PIGL: variants seen among roughly 807,000 people sequenced by gnomAD.
PIGL encodes the protein phosphatidylinositol glycan anchor biosynthesis class L, also known as N-acetylglucosaminyl-phosphatidylinositol de-N-acetylase.
Under a neutral mutation model 31.1 loss-of-function variants are expected in PIGL, and 22 were observed. That is an observed-to-expected ratio of 0.71 (90% CI 0.51 to 1.01). The LOEUF (loss-of-function observed/expected upper bound fraction) is 1.01, where lower values mean the gene tolerates loss of function less well. Ranked by LOEUF, PIGL falls within the 50% of genes least tolerant of loss-of-function variation. PIGL has a pLI of 0.00. For missense variants in PIGL, 302 were observed against 315.9 expected, an observed-to-expected ratio of 0.96 and a Z score of 0.33; for synonymous variants, 131 against 117.4, an observed-to-expected ratio of 1.12 and a Z score of -0.75.
chr17:16,229,872 T>TC (rs1279292599), intron 1 of PIGL, among the ~76,000 whole-genome samples: 10 of 143,814 alleles, frequency 7.0e-5, no homozygotes, highest in East Asian at 6.0e-4. Context: ...TTTTTTTTTT[T>TC]TTTTTTTTGA....
intron 1 of PIGL, among the ~76,000 whole-genome samples, chr17:16,231,379 C>T (rs1267546788): frequency 6.6e-6 from 1 of 151,502 alleles, no homozygotes; most frequent in African/African-American, 2.4e-5. Flanking sequence ...GGACTACAGG[C>T]GTGAGCCACC....
chr17:16,307,141 C>A (rs1251797266), intron 3 of PIGL, among the ~76,000 whole-genome samples: 2 of 152,218 alleles, frequency 1.3e-5, no homozygotes, highest in African/African-American at 2.4e-5. Context: ...GTTGACATTA[C>A]CCTGAATTCA....
intron 2 of PIGL, among the ~76,000 whole-genome samples, chr17:16,266,909 G>T (rs866236448): frequency 0.012 from 1,405 of 120,316 alleles, 28 homozygotes; most frequent in African/African-American, 0.045. Context: ...TTTTTTTTGG[G>T]GGGGGGGGGG....
At chr17:16,296,511 G>A (rs2092982788) in intron 2 of PIGL, among the ~76,000 whole-genome samples, 1 of 151,566 alleles carries the variant, frequency 6.6e-6, no homozygotes, top group Non-Finnish European at 1.5e-5. Flanking sequence ...TGGGGAGGCT[G>A]AGGCAGGAGA....
chr17:16,252,653 C>T (rs1194568337), intron 2 of PIGL, among the ~76,000 whole-genome samples: 2 of 151,666 alleles, frequency 1.3e-5, no homozygotes, highest in Non-Finnish European at 2.9e-5. Flanking sequence ...ATAAAACTTT[C>T]CTCCCTCTCT....
At chr17:16,237,885 T>C (rs2092706147) in intron 2 of PIGL, among the ~76,000 whole-genome samples, 1 of 151,750 alleles carries the variant, frequency 6.6e-6, no homozygotes, top group East Asian at 1.9e-4. Context: ...TAATTACTTA[T>C]TTTCTTCTTT....
chr17:16,225,828 C>T (rs888887573), intron 1 of PIGL, among the ~76,000 whole-genome samples: 1 of 151,934 alleles, frequency 6.6e-6, no homozygotes, highest in African/African-American at 2.4e-5. Flanking sequence ...AACCCAAGAG[C>T]ATTCACTGTG....
At chr17:16,274,579 C>T (rs770920119) in intron 2 of PIGL, among the ~76,000 whole-genome samples, 24 of 151,322 alleles carry the variant, frequency 1.6e-4, no homozygotes, top group Non-Finnish European at 3.4e-4. Flanking sequence ...TAAAATTAGC[C>T]GGGCGTGGTG....
At chr17:16,300,091 C>T in intron 3 of PIGL, 113 bp downstream of exon 3, 1 of 768,378 alleles carries the variant, frequency 1.3e-6, no homozygotes, top group Non-Finnish European at 2.3e-6. Flanking sequence ...TTCTCCAGGG[C>T]CACTCTCTAA....
rs372517027 is a variant in PIGL, at chr17:16,258,589, C to T, written c.335+24519C>T. On this transcript the variant is annotated intron_variant, in intron 2 of 6. Transcript: ENST00000225609. The stretch of plus-strand genomic sequence containing the variant: ...TGCAATCTCAGCTCACTGCAACCTC[C>T]GCCTCCCGGGCCCAAGCGATTCTCC... 3.9e-5 allele frequency among the ~76,000 whole-genome samples: 6 copies of T among 151,956 alleles called. No individual in the cohort carries two copies. The East Asian group carries it at 7.7e-4, about 20-fold the overall frequency.
chr17:16,316,807 A>T (rs1198106245), intron 5 of PIGL, 95 bp downstream of exon 5: 1 of 1,569,646 alleles, frequency 6.4e-7, no homozygotes, highest in African/African-American at 1.3e-5. Context: ...AGCTGCCCTC[A>T]GCCGAGCAGA....
rs1165337680 is a variant in PIGL, at chr17:16,220,472, A to T, written c.235+3011A>T. On this transcript the variant is annotated intron_variant, in intron 1 of 6. Coordinates refer to ENST00000225609, the MANE Select transcript of PIGL (RefSeq NM_004278.4). ...ATTTATTCTTTATTTGTGTTTTTTT[A>T]AATTGTTATTTTTTTTTTTTTTTTT... Among the ~76,000 whole-genome samples the T allele has an allele frequency of 5.8e-3, 835 of 142,822 alleles. 17 individuals carry two copies. The highest frequency in any genetic ancestry group is 0.02 in the African/African-American group (777 of 38,210). 93.7% of individuals were successfully genotyped at this position (142,822 alleles called of 152,430 possible).
At chr17:16,299,809 G>T in intron 2 of PIGL, 79 bp from the exon 3 acceptor site, 1 of 961,698 alleles carries the variant, frequency 1.0e-6, no homozygotes, top group Non-Finnish European at 1.7e-6. Flanking sequence ...TCATAAAACT[G>T]GGCATGCACC....
intron 1 of PIGL, among the ~76,000 whole-genome samples, chr17:16,220,376 C>T (rs2142629465): frequency 6.6e-6 from 1 of 151,956 alleles, no homozygotes; most frequent in East Asian, 1.9e-4. Context: ...AGAGAGCATG[C>T]ACTTGGCACT....
At chr17:16,236,983 G>A (rs1037501425) in intron 2 of PIGL, among the ~76,000 whole-genome samples, 1 of 152,020 alleles carries the variant, frequency 6.6e-6, no homozygotes, top group Non-Finnish European at 1.5e-5. Flanking sequence ...TGTTACCCAG[G>A]GTGGAGTGAA....
intron 1 of PIGL, among the ~76,000 whole-genome samples, chr17:16,225,618 G>A (rs909979582): frequency 9.3e-5 from 14 of 150,670 alleles, no homozygotes; most frequent in Middle Eastern, 3.4e-3. Context: ...GTGAGCCACC[G>A]TGCCTGGCCT....
At chr17:16,227,928 T>G (rs1377611202) in intron 1 of PIGL, among the ~76,000 whole-genome samples, 1 of 152,090 alleles carries the variant, frequency 6.6e-6, no homozygotes. Context: ...TTCTGTTTTA[T>G]AGGGATAACG....
rs186461238 is a variant in PIGL, at chr17:16,254,862, A to G, written c.335+20792A>G. On this transcript the variant is annotated intron_variant, in intron 2 of 6. Coordinates refer to ENST00000225609, the MANE Select transcript of PIGL (RefSeq NM_004278.4). ...CATGATCCACCCGCCTCGGCCTCTC[A>G]AAGTGCTGGGATTACAGGCTTGAGC... Among the ~76,000 whole-genome samples the G allele has an allele frequency of 1.4e-3, 213 of 152,274 alleles. 1 individual carries two copies. The highest frequency in any genetic ancestry group is 4.6e-3 in the African/African-American group (192 of 41,576).
chr17:16,265,871 A>T (rs1288803839), intron 2 of PIGL, among the ~76,000 whole-genome samples: 1 of 152,048 alleles, frequency 6.6e-6, no homozygotes, highest in Admixed American at 6.6e-5. Context: ...TAGACCCTGT[A>T]CTTTAAGAAG....
Sources: allele counts gnomAD v4.1 joint callset (sites outside exome capture counted in the v4.1 genomes callset), GRCh38; gene constraint gnomAD v4.1.1; transcripts MANE v1.5; gene names NCBI Gene and HGNC (gene_info 2026-07-23, HGNC 2026-07-21).